TM2D3: variants seen among roughly 807,000 people sequenced by gnomAD.
The protein encoded by TM2D3 is TM2 domain-containing protein 3.
TM2D3 carries 33 observed loss-of-function variants against 27.3 expected under a neutral mutation model. The observed-to-expected ratio is 1.21, with a 90% CI of 0.92 to 1.61. The LOEUF is 1.61. Among genes scored for constraint, TM2D3 ranks in the 40% most tolerant of loss-of-function variants. The pLI, the probability that TM2D3 is intolerant of heterozygous loss-of-function variation, is 0.00. For missense variants in TM2D3, 364 were observed against 320.8 expected, an observed-to-expected ratio of 1.13 and a Z score of -1.03; for synonymous variants, 138 against 122.2, an observed-to-expected ratio of 1.13 and a Z score of -0.85.
chr15:101,646,403 A>ACTC, intron 4 of TM2D3: 1 of 321,554 alleles, frequency 3.1e-6, no homozygotes. Context: ...AGGTGAAGGC[A>ACTC]AGCACTCAGG....
At chr15:101,648,549 G>A (rs1176674700) in intron 3 of TM2D3, among the ~76,000 whole-genome samples, 1 of 152,172 alleles carries the variant, frequency 6.6e-6, no homozygotes, top group Non-Finnish European at 1.5e-5. Context: ...AGCCGGCCTC[G>A]TCTGGCCCAG....
chr15:101,640,619 T>A (rs1441285588), downstream of TM2D3, among the ~76,000 whole-genome samples: 2 of 152,226 alleles, frequency 1.3e-5, no homozygotes, highest in African/African-American at 4.8e-5. Flanking sequence ...TTTGAAAGTA[T>A]AGTTTTACTT....
downstream of TM2D3, among the ~76,000 whole-genome samples, chr15:101,638,230 G>A (rs765556556): frequency 4.6e-5 from 7 of 151,730 alleles, no homozygotes; most frequent in Non-Finnish European, 8.8e-5. Flanking sequence ...GCAGTAACAG[G>A]AGAAAGATAT....
chr15:101,634,854 C>T (rs1596257591), intron 4 of TM2D3: 1 of 152,254 alleles, frequency 6.6e-6, no homozygotes, highest in South Asian at 2.1e-4. Context: ...TCTTTAAATG[C>T]TTTATTTAAA....
At chr15:101,634,079 T>C (rs750843082) in intron 4 of TM2D3, 5 of 176,354 alleles carry the variant, frequency 2.8e-5, no homozygotes, top group African/African-American at 4.7e-5. Flanking sequence ...GCTGCCTCAG[T>C]AGTGGACAAG....
At chr15:101,651,917 G>A (rs1896986959) in intron 1 of TM2D3, 144 bp from the exon 2 acceptor site, 2 of 809,146 alleles carry the variant, frequency 2.5e-6, no homozygotes, top group South Asian at 1.5e-5. Flanking sequence ...AAAACACAAA[G>A]CTTAGGGACG....
At chr15:101,644,288 A>AG (rs1427295606) in intron 5 of TM2D3, among the ~76,000 whole-genome samples, 1 of 152,142 alleles carries the variant, frequency 6.6e-6, no homozygotes, top group Non-Finnish European at 1.5e-5. Flanking sequence ...TTTGTCCCCT[A>AG]GGGGACACCT....
At chr15:101,650,214 A>T (rs1896933183) in intron 2 of TM2D3, 53 bp from the exon 3 acceptor site, 1 of 1,553,616 alleles carries the variant, frequency 6.4e-7, no homozygotes, top group East Asian at 2.3e-5. Flanking sequence ...TTCGAATAAC[A>T]GAGAACAATC....
downstream of TM2D3, among the ~76,000 whole-genome samples, chr15:101,638,038 T>G (rs1013085642): frequency 3.9e-5 from 6 of 152,158 alleles, no homozygotes; most frequent in African/African-American, 1.4e-4. Context: ...TAGGATTTTC[T>G]AAATGTCCTG....
chr15:101,633,233 T>TGAAGATG (rs1896487006), exon 5 of TM2D3: 1 of 154,682 alleles, frequency 6.5e-6, no homozygotes, highest in South Asian at 2.1e-4. Flanking sequence ...ACGTTTGGAA[T>TGAAGATG]GAAGATGAGC....
rs201415552 is a variant in TM2D3 at position 101,652,321 on chromosome 15, A to C, written c.41T>G (p.Leu14Trp). Reference protein sequence around the residue: ...GVLPLRGLRALCRVLLFLSQF... With the variant: ...GVLPLRGLRAWCRVLLFLSQF... ...CGAGAGGAAGAGCAGCACGCGACACAAGGCGCGGAGGCCCCTCAGCGGGAG... is the reference window on the plus strand; with the variant it reads ...CGAGAGGAAGAGCAGCACGCGACACCAGGCGCGGAGGCCCCTCAGCGGGAG... Residue 14 changes from leucine to tryptophan, a missense_variant, in exon 1 of 6, where the codon TTG (leucine) becomes TGG (tryptophan). Physicochemically the swap from Leu to Trp is moderately conservative, Grantham distance 61 (BLOSUM62 -2). Coordinates refer to ENST00000333202, the MANE Select transcript of TM2D3 (RefSeq NM_078474.3). 5 of 1,602,336 alleles carry C rather than the reference A, an allele frequency of 3.1e-6. No homozygotes were observed. The highest frequency in any genetic ancestry group is 4.3e-6 in the Non-Finnish European group (5 of 1,175,172).
At position 101,642,481 on chromosome 15, in the gene TM2D3, A is replaced by T; in HGVS notation, c.742T>A (p.Ter248LysextTer21). Reference sequence around the variant, plus strand: ...CCTTTCTGAAGCACACACCACAGCTAAATGTACAAAGAGCCATCTGCTGGT... The same window carrying T: ...CCTTTCTGAAGCACACACCACAGCTTAATGTACAAAGAGCCATCTGCTGGT... ...VGPADGSLYI[*>K] Residue 248 changes from the stop codon to lysine (K), a stop_lost, in exon 6 of 6, where the codon TAG (stop) becomes AAG (lysine). Transcript: ENST00000333202. 1 of 1,609,828 alleles carries T rather than the reference A, an allele frequency of 6.2e-7. No individual in the cohort carries two copies. The highest frequency in any genetic ancestry group is 8.5e-7 in the Non-Finnish European group (1 of 1,177,626).
chr15:101,651,982 G>A lies in TM2D3; in HGVS notation c.92-209C>T, dbSNP rs113668503. ...GTCAGCCGGCAACGAGGGACCGAAG[G>A]ATGACATCGCGCTCCAGTTCCGCCT... is the stretch of plus-strand genomic sequence containing the variant. On this transcript the variant is annotated intron_variant, in intron 1 of 5. Transcript: ENST00000333202. The A allele has an allele frequency of 3.3e-5, 20 of 600,016 alleles. No individual in the cohort carries two copies. The East Asian group carries it at 5.2e-4, about 16-fold the overall frequency. 37.2% of individuals were successfully genotyped at this position (600,016 alleles called of 1,614,324 possible).
intron 5 of TM2D3, 92 bp downstream of exon 5, chr15:101,644,995 A>C: frequency 9.1e-7 from 1 of 1,104,126 alleles, no homozygotes. Flanking sequence ...ATCTGAGTGA[A>C]GAATGAAGGG....
chr15:101,646,163 T>TAA (rs200672492), intron 4 of TM2D3: 1 of 152,784 alleles, frequency 6.5e-6, no homozygotes, highest in Admixed American at 6.5e-5. Context: ...TACACAGAAG[T>TAA]AAAAAAAAGA....
At chr15:101,642,784 T>C (rs893656537) in intron 5 of TM2D3, 140 bp from the exon 6 acceptor site, 16 of 542,082 alleles carry the variant, frequency 3.0e-5, no homozygotes, top group Non-Finnish European at 4.4e-5. Flanking sequence ...CAAGTGACTA[T>C]TTCACAAACT....
chr15:101,636,222 A>G (rs1896547660), intron 4 of TM2D3: 1 of 152,130 alleles, frequency 6.6e-6, no homozygotes, highest in African/African-American at 2.4e-5. Context: ...GGTGCTGTAA[A>G]CGAGTTTTTT....
In TM2D3 at chr15:101,642,286, A is replaced by G; in HGVS notation, c.*193T>C. 2 of 1,253,088 alleles carry G rather than the reference A, an allele frequency of 1.6e-6. No individual in the cohort carries two copies. The highest frequency in any genetic ancestry group is 2.0e-6 in the Non-Finnish European group (2 of 997,938). 77.6% of individuals were successfully genotyped at this position (1,253,088 alleles called of 1,614,324 possible). Reference sequence around the variant, plus strand: ...TTTTAATTTTTTCACAGAAAAAAATATATTTCAGGCAAATAAAAACAAATT... The same window carrying G: ...TTTTAATTTTTTCACAGAAAAAAATGTATTTCAGGCAAATAAAAACAAATT... On this transcript the variant is annotated 3_prime_UTR_variant, in exon 6 of 6. Coordinates refer to ENST00000333202, the MANE Select transcript of TM2D3 (RefSeq NM_078474.3).
In TM2D3 at chr15:101,634,173, C is replaced by T. The variant is rs148444681; in HGVS notation, c.501-445G>A. The T allele has an allele frequency of 9.8e-3, 1,504 of 153,170 alleles. 23 individuals carry two copies. Among genetic ancestry groups the T allele is most frequent in the African/African-American group, 0.033 (1,386 of 41,560 alleles). The allele number at this position is 153,170 out of a possible 1,614,324, so 9.5% of individuals were successfully genotyped here. A position where few individuals can be genotyped will look rare whatever the true frequency, so the allele number is the denominator to read the frequency against. ...TCTGGGCCAGGCATGGGGACTCATG[C>T]CTGTAATCCCAGCACTTTGGGAGGC... On this transcript the variant is annotated intron_variant, in intron 4 of 4. Transcript: ENST00000428002.
Sources: gnomAD v4.1 joint callset for allele counts (sites outside exome capture counted in the v4.1 genomes callset) on GRCh38, gnomAD v4.1.1 for gene constraint, MANE v1.5 for transcripts, NCBI Gene and HGNC (gene_info 2026-07-23, HGNC 2026-07-21) for gene names.